The following DNAJC7 variants were observed in gnomAD, a reference collection of about 807,000 sequenced individuals.
The protein encoded by DNAJC7 is dnaJ homolog subfamily C member 7.
In DNAJC7, 18 loss-of-function variants were observed where a neutral mutation model predicts 67.4. The observed-to-expected ratio is 0.27, with a 90% CI of 0.18 to 0.40. The LOEUF (loss-of-function observed/expected upper bound fraction) is 0.40. Ranked by LOEUF, DNAJC7 falls within the 10% of genes least tolerant of loss-of-function variation. DNAJC7 has a pLI of 1.00. For missense variants in DNAJC7, 419 were observed against 613.8 expected (o/e 0.68, Z 3.35); for synonymous variants, 220 against 207.8 (o/e 1.06, Z -0.50).
chr17:41,977,358 A>C (rs2051115418), intron 12 of DNAJC7, 35 bp from the exon 13 acceptor site: 1 of 1,539,228 alleles, frequency 6.5e-7, no homozygotes, highest in African/African-American at 1.4e-5. Context: ...GAAGGGAAGA[A>C]AAGGTGAAAA....
intron 11 of DNAJC7, 63 bp downstream of exon 11, chr17:41,982,192 G>A: frequency 6.2e-7 from 1 of 1,604,192 alleles, no homozygotes; most frequent in Non-Finnish European, 8.5e-7. Context: ...TCTGGACTGA[G>A]TGTGGCAGTT....
chr17:41,989,595 T>C (rs2051462581), intron 6 of DNAJC7, 38 bp from the exon 7 acceptor site: 1 of 1,606,198 alleles, frequency 6.2e-7, no homozygotes, highest in African/African-American at 1.3e-5. Context: ...AGCTGTGCTT[T>C]AGAATGTCCC....
intron 1 of DNAJC7, chr17:42,011,587 C>T (rs2052119379): frequency 6.6e-6 from 1 of 152,182 alleles, no homozygotes; most frequent in Non-Finnish European, 1.5e-5. Flanking sequence ...CCTTCCTTAA[C>T]TTATTTCTCC....
chr17:41,993,271 A>G (rs1413776905), intron 5 of DNAJC7, among the ~76,000 whole-genome samples: 4 of 151,968 alleles, frequency 2.6e-5, no homozygotes, highest in Non-Finnish European at 5.9e-5. Flanking sequence ...CATCCTGGCT[A>G]ACACGGTGAA....
chr17:42,009,969 C>T lies in DNAJC7; in HGVS notation c.77+7371G>A, dbSNP rs955539838. On this transcript the variant is annotated intron_variant, in intron 1 of 13. Transcript: ENST00000457167. ...CCATCCTGGCCAACATGGTGAAACC[C>T]GTCTCTACTAAAAATATAAAAAATT... 4.6e-5 allele frequency among the ~76,000 whole-genome samples: 7 copies of T among 151,978 alleles called. No individual in the cohort carries two copies. In the East Asian group the frequency reaches 9.7e-4, roughly 21 times the overall value.
intron 1 of DNAJC7, chr17:42,017,122 C>T: frequency 2.1e-6 from 3 of 1,458,320 alleles, no homozygotes; most frequent in Non-Finnish European, 2.7e-6. Context: ...AGAACAAGGC[C>T]ATGCCTCAGC....
Position 41,996,432 on chromosome 17 carries a change from A to T in DNAJC7, c.292-8T>A, listed in dbSNP as rs781898395. The stretch of plus-strand genomic sequence containing the variant: ...GCCCTCTCGTAGATGTCCCTAAAAG[A>T]ACACCAAGAGGGAAGAAAAGAAGCA... On this transcript the variant is annotated splice_region_variant and splice_polypyrimidine_tract_variant and intron_variant, in intron 3 of 13. Transcript: ENST00000457167. 6.2e-7 allele frequency: 1 copy of T among 1,609,792 alleles called. No individual in the cohort carries two copies. The highest frequency in any genetic ancestry group is 8.5e-7 in the Non-Finnish European group (1 of 1,178,270).
At chr17:41,980,596 G>C (rs1005408489) in intron 12 of DNAJC7, among the ~76,000 whole-genome samples, 15 of 151,510 alleles carry the variant, frequency 9.9e-5, no homozygotes, top group African/African-American at 2.9e-4. Flanking sequence ...TTGGTATTTT[G>C]TATGTTGCCC....
chr17:42,011,999 T>C (rs1284403625), intron 1 of DNAJC7, among the ~76,000 whole-genome samples: 1 of 152,112 alleles, frequency 6.6e-6, no homozygotes, highest in Admixed American at 6.5e-5. Flanking sequence ...AATACCTAGG[T>C]AGTAAGGGCC....
chr17:41,981,210 T>A (rs1265873414), intron 12 of DNAJC7, among the ~76,000 whole-genome samples: 2 of 152,062 alleles, frequency 1.3e-5, no homozygotes, highest in African/African-American at 2.4e-5. Flanking sequence ...TTATTTTTTT[T>A]AATTGAGACA....
chr17:41,990,716 G>A (rs2051492113), intron 5 of DNAJC7, among the ~76,000 whole-genome samples: 1 of 151,138 alleles, frequency 6.6e-6, no homozygotes, highest in Non-Finnish European at 1.5e-5. Context: ...ACCCAGGCTG[G>A]AGTGCAGTGG....
intron 1 of DNAJC7, among the ~76,000 whole-genome samples, chr17:42,003,173 T>C (rs782506284): frequency 2.0e-5 from 3 of 152,214 alleles, no homozygotes; most frequent in Non-Finnish European, 2.9e-5. Flanking sequence ...AACTGCCTCA[T>C]GAAAAGGACT....
rs1555646005 is a variant in DNAJC7 at position 41,981,832 on chromosome 17, C to T, written c.1384+23G>A. ...ACATTCTACAGCTGTCAAATTCATC[C>T]CAGGCTGCCCCAGCCAACTCACCAC... On this transcript the variant is annotated intron_variant, in intron 12 of 13. Transcript: ENST00000457167. 1.9e-6 allele frequency: 3 copies of T among 1,607,790 alleles called. No individual in the cohort carries two copies. The South Asian group carries it at 3.3e-5, about 18-fold the overall frequency.
intron 1 of DNAJC7, among the ~76,000 whole-genome samples, chr17:42,004,799 A>T (rs1555649940): frequency 6.6e-6 from 1 of 152,186 alleles, no homozygotes; most frequent in African/African-American, 2.4e-5. Flanking sequence ...AGACAAGAAG[A>T]CTGCTTGAGT....
chr17:41,978,814 A>G (rs1402660743), intron 12 of DNAJC7, among the ~76,000 whole-genome samples: 1 of 152,158 alleles, frequency 6.6e-6, no homozygotes, highest in Non-Finnish European at 1.5e-5. Context: ...CGGGAGGCGG[A>G]GCTTGCAGTG....
chr17:42,009,910 G>T (rs1233255270), intron 1 of DNAJC7, among the ~76,000 whole-genome samples: 1 of 151,050 alleles, frequency 6.6e-6, no homozygotes, highest in Non-Finnish European at 1.5e-5. Flanking sequence ...TTGGGAGGCC[G>T]AGGCGGGCAG....
chr17:41,997,358 A>T, intron 2 of DNAJC7, 119 bp from the exon 3 acceptor site: 4 of 1,283,452 alleles, frequency 3.1e-6, no homozygotes, highest in Non-Finnish European at 4.2e-6. Context: ...GGAGGCCAAG[A>T]GGGGAGACCA....
intron 1 of DNAJC7, among the ~76,000 whole-genome samples, chr17:42,009,258 A>G (rs1391035552): frequency 3.3e-5 from 5 of 152,164 alleles, no homozygotes; most frequent in Non-Finnish European, 7.3e-5. Flanking sequence ...TCCTTAACAT[A>G]CCAGTTCAAA....
chr17:42,013,176 G>A (rs551021236), intron 1 of DNAJC7: 3 of 152,198 alleles, frequency 2.0e-5, no homozygotes, highest in Admixed American at 6.6e-5. Context: ...GGGCTTAAGC[G>A]ATCCTCTCAT....
Sources: gnomAD v4.1 joint callset for allele counts (sites outside exome capture counted in the v4.1 genomes callset) on GRCh38, gnomAD v4.1.1 for gene constraint, MANE v1.5 for transcripts, NCBI Gene and HGNC (gene_info 2026-07-23, HGNC 2026-07-21) for gene names.